EPS15: variants seen among roughly 807,000 people sequenced by gnomAD.
EPS15 encodes epidermal growth factor receptor pathway substrate 15.
A neutral mutation model predicts 113.8 loss-of-function variants in EPS15; 72 were observed. The ratio of observed to expected loss-of-function variants is 0.63; its 90% CI spans 0.52 to 0.77. The LOEUF is 0.77. Ranked by LOEUF, EPS15 falls within the 30% of genes least tolerant of loss-of-function variation. The pLI, the probability that EPS15 is intolerant of heterozygous loss-of-function variation, is 0.00. For missense variants in EPS15, 1,048 were observed against 1,045.8 expected, an observed-to-expected ratio of 1.00 and a Z score of -0.03; for synonymous variants, 344 against 363.4, an observed-to-expected ratio of 0.95 and a Z score of 0.61.
intron 1 of EPS15, among the ~76,000 whole-genome samples, chr1:51,501,952 A>G (rs1017585545): frequency 4.6e-5 from 7 of 152,214 alleles, no homozygotes; most frequent in Non-Finnish European, 1.0e-4. Context: ...CTGAAGCAAC[A>G]TAATTAAAAT....
At chr1:51,446,258 A>G (rs1653039264) in intron 10 of EPS15, among the ~76,000 whole-genome samples, 1 of 152,216 alleles carries the variant, frequency 6.6e-6, no homozygotes, top group Non-Finnish European at 1.5e-5. Context: ...TCAAGGACCA[A>G]GTATGTTATT....
intron 13 of EPS15, among the ~76,000 whole-genome samples, chr1:51,412,342 T>C (rs1338159443): frequency 6.6e-6 from 1 of 152,234 alleles, no homozygotes; most frequent in Non-Finnish European, 1.5e-5. Context: ...AACCTGTACG[T>C]TCCACACATG....
At chr1:51,501,357 G>A (rs1267675911) in intron 1 of EPS15, among the ~76,000 whole-genome samples, 2 of 152,110 alleles carry the variant, frequency 1.3e-5, no homozygotes, top group African/African-American at 2.4e-5. Flanking sequence ...GCAGTGAGCC[G>A]AGATGGCACC....
intron 13 of EPS15, among the ~76,000 whole-genome samples, chr1:51,413,329 T>A (rs941115956): frequency 6.6e-6 from 1 of 152,364 alleles, no homozygotes; most frequent in Middle Eastern, 3.4e-3. Context: ...ACTGTAATCA[T>A]AGCTAACCTC....
At chr1:51,363,146 A>C (rs1276069737) in intron 23 of EPS15, among the ~76,000 whole-genome samples, 1 of 151,936 alleles carries the variant, frequency 6.6e-6, no homozygotes, top group Non-Finnish European at 1.5e-5. Context: ...AAAAATACAA[A>C]AATTAGCCAG....
chr1:51,474,545 T>C (rs972740500), intron 2 of EPS15, among the ~76,000 whole-genome samples: 6 of 152,202 alleles, frequency 3.9e-5, no homozygotes, highest in Non-Finnish European at 7.3e-5. Flanking sequence ...AAAATTTAAT[T>C]ATAGTTATTT....
chr1:51,403,312 C>T (rs1008647702), intron 17 of EPS15, 107 bp downstream of exon 17: 1 of 515,644 alleles, frequency 1.9e-6, no homozygotes, highest in African/African-American at 2.0e-5. Flanking sequence ...ATGTATCTAT[C>T]ATCTGAATAA....
chr1:51,515,481 C>CA (rs111828890), intron 1 of EPS15, among the ~76,000 whole-genome samples: 129 of 115,406 alleles, frequency 1.1e-3, no homozygotes, highest in East Asian at 4.5e-3. Context: ...CAAAACAAAA[C>CA]AAAAAAAAAA....
chr1:51,372,326 T>C (rs1198258609), intron 21 of EPS15: 2 of 530,490 alleles, frequency 3.8e-6, no homozygotes, highest in East Asian at 1.1e-4. Context: ...GTGTGGTGGA[T>C]CATTTCAACC....
chr1:51,448,616 C>T (rs1180404756), intron 8 of EPS15, among the ~76,000 whole-genome samples: 1 of 152,116 alleles, frequency 6.6e-6, no homozygotes, highest in East Asian at 1.9e-4. Flanking sequence ...TAAAACTATA[C>T]TGAAATACCA....
At chr1:51,409,437 A>G (rs1467630064) in intron 14 of EPS15, 98 bp downstream of exon 14, 9 of 1,179,986 alleles carry the variant, frequency 7.6e-6, no homozygotes, top group Middle Eastern at 2.0e-4. Context: ...ATTGCCAACC[A>G]CCACCATCAA....
At chr1:51,399,731 C>T (rs72694183) in intron 19 of EPS15, among the ~76,000 whole-genome samples, 3,352 of 152,064 alleles carry the variant, frequency 0.022, 32 homozygotes, top group Middle Eastern at 0.034. Context: ...TGGTGGTGCG[C>T]GCCCGTAATC....
Position 51,421,827 on chromosome 1 carries a change from C to T in EPS15, c.1072G>A (p.Glu358Lys), listed in dbSNP as rs1194713030. 2.5e-6 allele frequency: 4 copies of T among 1,609,602 alleles called. No homozygotes were observed. Among genetic ancestry groups the T allele is most frequent in the East Asian group, 4.5e-5 (2 of 44,750 alleles). The change falls in exon 13 of 25, where the codon GAG becomes AAG. Residue 358 changes from glutamate (E) to lysine (K), a missense_variant. Glu to Lys is a moderately conservative substitution (Grantham distance 56). Transcript: ENST00000371733. ...CTCTGTTTAATAGTATCTTCCTTCT[C>T]CTTAAGGTCCTGTTCCACATTATTC... ...EKNNVEQDLK[E>K]KEDTIKQRTS...
intron 23 of EPS15, among the ~76,000 whole-genome samples, chr1:51,361,962 G>T (rs943300502): frequency 2.6e-5 from 4 of 152,078 alleles, no homozygotes; most frequent in African/African-American, 9.7e-5. Flanking sequence ...AAATCTTTGC[G>T]GTTGCTGATC....
intron 8 of EPS15, among the ~76,000 whole-genome samples, chr1:51,454,363 A>G (rs929355148): frequency 1.3e-5 from 2 of 152,194 alleles, no homozygotes; most frequent in African/African-American, 2.4e-5. Context: ...GCATGAGTCT[A>G]TACTTCCAGA....
chr1:51,421,526 C>T (rs542864156), intron 13 of EPS15, among the ~76,000 whole-genome samples: 4 of 152,172 alleles, frequency 2.6e-5, no homozygotes, highest in African/African-American at 9.6e-5. Flanking sequence ...ATATAATATG[C>T]AGGTAAGTAC....
At chr1:51,392,843 G>C (rs544611312) in intron 21 of EPS15, among the ~76,000 whole-genome samples, 26 of 152,116 alleles carry the variant, frequency 1.7e-4, no homozygotes, top group African/African-American at 5.5e-4. Flanking sequence ...CCATTTCCTT[G>C]GTGTGGGCAA....
intron 1 of EPS15, among the ~76,000 whole-genome samples, chr1:51,491,856 T>G (rs1328146739): frequency 7.2e-6 from 1 of 139,228 alleles, no homozygotes; most frequent in Non-Finnish European, 1.5e-5. Flanking sequence ...CCCAACTCAT[T>G]TAATTTTTTT....
chr1:51,356,021 C>T lies in EPS15; in HGVS notation c.*679G>A. Reference sequence around the variant, plus strand: ...GAGGTATCTGTTGATCTAAAATTCTCTAAATCCAGATAAATCTTTTTAAAA... The same window carrying T: ...GAGGTATCTGTTGATCTAAAATTCTTTAAATCCAGATAAATCTTTTTAAAA... On this transcript the variant is annotated 3_prime_UTR_variant, in exon 25 of 25. Coordinates refer to ENST00000371733, the MANE Select transcript of EPS15 (RefSeq NM_001981.3). 1 of 196,280 alleles carries T rather than the reference C, an allele frequency of 5.1e-6. No homozygotes were observed. The highest frequency in any genetic ancestry group is 1.1e-5 in the Non-Finnish European group (1 of 94,640). The allele number at this position is 196,280 out of a possible 1,614,324, so 12.2% of individuals were successfully genotyped here. A position where few individuals can be genotyped will look rare whatever the true frequency, so the allele number is the denominator to read the frequency against.
Sources: allele counts gnomAD v4.1 joint callset (sites outside exome capture counted in the v4.1 genomes callset), GRCh38; gene constraint gnomAD v4.1.1; transcripts MANE v1.5; gene names NCBI Gene and HGNC (gene_info 2026-07-23, HGNC 2026-07-21).